MEF2A: variants seen among roughly 807,000 people sequenced by gnomAD.
MEF2A encodes myocyte-specific enhancer factor 2A.
MEF2A carries 28 observed loss-of-function variants against 55.8 expected under a neutral mutation model. The observed-to-expected ratio is 0.50, with a 90% CI of 0.37 to 0.69. MEF2A has a LOEUF of 0.69. Among genes scored for constraint, MEF2A ranks in the 30% least tolerant of loss-of-function variants. The pLI is 0.00. For missense variants in MEF2A, 528 were observed against 626.2 expected, an observed-to-expected ratio of 0.84 and a Z score of 1.67; for synonymous variants, 239 against 227.1, an observed-to-expected ratio of 1.05 and a Z score of -0.47.
intron 1 of MEF2A, among the ~76,000 whole-genome samples, chr15:99,566,904 C>T (rs115387337): frequency 6.6e-6 from 1 of 152,220 alleles, no homozygotes; most frequent in African/African-American, 2.4e-5. Context: ...GAACCCCTGC[C>T]ATCCGGCTAG....
intron 7 of MEF2A, 126 bp from the exon 8 acceptor site, chr15:99,690,115 C>T: frequency 2.3e-6 from 2 of 874,326 alleles, no homozygotes; most frequent in Admixed American, 2.4e-5. Context: ...ACAAGGGATA[C>T]TCAAACCTGT....
intron 1 of MEF2A, among the ~76,000 whole-genome samples, chr15:99,579,871 A>AAG (rs1965414042): frequency 6.6e-6 from 1 of 151,994 alleles, no homozygotes; most frequent in South Asian, 2.1e-4. Flanking sequence ...GACCTTAACT[A>AAG]TTCCCTTTTC....
At chr15:99,625,594 T>A (rs988159508) in intron 2 of MEF2A, among the ~76,000 whole-genome samples, 2 of 152,186 alleles carry the variant, frequency 1.3e-5, no homozygotes, top group Non-Finnish European at 2.9e-5. Flanking sequence ...TCATTGAATA[T>A]GAAGTTAGCT....
rs1288543334 is a variant in MEF2A, at chr15:99,566,023, A to T, written c.-306A>T. The T allele has an allele frequency of 6.6e-6, 1 of 152,338 alleles. No individual in the cohort carries two copies. The highest frequency in any genetic ancestry group is 2.4e-5 in the African/African-American group (1 of 41,392). 9.4% of individuals were successfully genotyped at this position (152,338 alleles called of 1,614,324 possible). A position where few individuals can be genotyped will look rare whatever the true frequency, so the allele number is the denominator to read the frequency against. On this transcript the variant is annotated 5_prime_UTR_variant, in exon 1 of 12. Transcript: ENST00000557942. The stretch of plus-strand genomic sequence containing the variant: ...GTCCCGGCGAGTCCCGGGCTGAAAG[A>T]GGCGGCTCCGGGCGGCGCGAAGCGC...
chr15:99,595,215 T>C (rs998655809), intron 1 of MEF2A, among the ~76,000 whole-genome samples: 6 of 152,182 alleles, frequency 3.9e-5, no homozygotes, highest in Admixed American at 3.3e-4. Context: ...CATCAGGTAA[T>C]GACATGTAAA....
intron 4 of MEF2A, among the ~76,000 whole-genome samples, chr15:99,652,949 T>G (rs1178255777): frequency 5.3e-5 from 8 of 152,250 alleles, no homozygotes; most frequent in Admixed American, 3.3e-4. Flanking sequence ...TAAGATGATA[T>G]GCTGGCTATT....
intron 4 of MEF2A, among the ~76,000 whole-genome samples, chr15:99,665,731 C>CAAA (rs752473261): frequency 1.2e-3 from 25 of 20,142 alleles, no homozygotes; most frequent in Admixed American, 2.2e-3. Context: ...CTTAAATTTA[C>CAAA]AAAAAAAAAA....
rs187669330 is a variant in MEF2A, at chr15:99,590,968, A to G, written c.-224-7462A>G. ...TCTTTTAAAAAATTTCATAGACTAT[A>G]TCTTAGAGCAGTTTTAGCTTTACAG... On this transcript the variant is annotated intron_variant, in intron 1 of 11. Coordinates refer to ENST00000557942, the MANE Select transcript of MEF2A (RefSeq NM_001319206.4). 4.6e-5 allele frequency among the ~76,000 whole-genome samples: 7 copies of G among 152,280 alleles called. No homozygotes were observed. In the South Asian group the frequency reaches 6.2e-4, roughly 14 times the overall value.
chr15:99,697,651 T>C (rs2056699482), intron 8 of MEF2A, among the ~76,000 whole-genome samples: 1 of 152,224 alleles, frequency 6.6e-6, no homozygotes, highest in Non-Finnish European at 1.5e-5. Context: ...AAGATGTCAT[T>C]TCTTCCCAGA....
In MEF2A at chr15:99,648,778, A is replaced by G. The variant is rs185470463; in HGVS notation, c.258+3014A>G. ...ATGTGTTCCTCTTCTGTTGCATCCAATACACAAGCCCTTTGAGGATGTGCT... is the reference window on the plus strand; with the variant it reads ...ATGTGTTCCTCTTCTGTTGCATCCAGTACACAAGCCCTTTGAGGATGTGCT... On this transcript the variant is annotated intron_variant, in intron 4 of 11. Coordinates refer to ENST00000557942, the MANE Select transcript of MEF2A (RefSeq NM_001319206.4). Among the ~76,000 whole-genome samples, 8 of 152,250 alleles carry G rather than the reference A, an allele frequency of 5.3e-5. No individual in the cohort carries two copies. The East Asian group carries it at 1.2e-3, about 22-fold the overall frequency.
At chr15:99,687,962 A>G (rs562498355) in intron 7 of MEF2A, among the ~76,000 whole-genome samples, 1 of 152,310 alleles carries the variant, frequency 6.6e-6, no homozygotes, top group East Asian at 1.9e-4. Context: ...GCTAGTCTTA[A>G]TGACATGTGA....
intron 10 of MEF2A, among the ~76,000 whole-genome samples, chr15:99,709,255 T>C (rs1459430359): frequency 6.6e-6 from 1 of 151,490 alleles, no homozygotes; most frequent in Non-Finnish European, 1.5e-5. Flanking sequence ...GGAAGGGAAG[T>C]AGCAAGGATA....
chr15:99,666,627 A>G (rs545236453), intron 4 of MEF2A, among the ~76,000 whole-genome samples: 23 of 148,960 alleles, frequency 1.5e-4, no homozygotes, highest in Middle Eastern at 7.0e-3. Context: ...ATCAGCAAAG[A>G]AAAAAAAGGA....
At chr15:99,567,871 C>T (rs907114706) in intron 1 of MEF2A, among the ~76,000 whole-genome samples, 3 of 152,042 alleles carry the variant, frequency 2.0e-5, no homozygotes, top group African/African-American at 7.3e-5. Flanking sequence ...TATTTTAATT[C>T]TCAGTGAGCA....
rs146011488 is a variant in MEF2A, at chr15:99,596,307, A to G, written c.-224-2123A>G. On this transcript the variant is annotated intron_variant, in intron 1 of 11. Coordinates refer to ENST00000557942, the MANE Select transcript of MEF2A (RefSeq NM_001319206.4). The stretch of plus-strand genomic sequence containing the variant: ...TTGTATTTTAGAAGTTGGTAATGCA[A>G]CTAAATTTGAGGAATTTTTTTCTGC... 7.9e-5 allele frequency among the ~76,000 whole-genome samples: 12 copies of G among 152,282 alleles called. No individual in the cohort carries two copies. The East Asian group carries it at 2.3e-3, about 29-fold the overall frequency.
chr15:99,706,497 C>T (rs2058054902), intron 9 of MEF2A: 4 of 470,812 alleles, frequency 8.5e-6, no homozygotes, highest in South Asian at 2.3e-5. Context: ...CCTATTTTAA[C>T]GTGGGGTGTC....
chr15:99,677,958 A>G (rs1300371308), intron 7 of MEF2A, among the ~76,000 whole-genome samples: 1 of 152,188 alleles, frequency 6.6e-6, no homozygotes. Flanking sequence ...CTTTTGTGGT[A>G]TTGTAAATCA....
chr15:99,689,285 G>A (rs1382333076), intron 7 of MEF2A, among the ~76,000 whole-genome samples: 5 of 152,130 alleles, frequency 3.3e-5, no homozygotes, highest in Non-Finnish European at 7.4e-5. Flanking sequence ...TGGTGAAAAC[G>A]GGGCATTAGA....
chr15:99,632,389 G>C (rs1329648240), intron 2 of MEF2A, among the ~76,000 whole-genome samples: 1 of 152,146 alleles, frequency 6.6e-6, no homozygotes, highest in African/African-American at 2.4e-5. Flanking sequence ...CTGGAGGCTA[G>C]GGCAATTTGC....
Sources: allele counts gnomAD v4.1 joint callset (sites outside exome capture counted in the v4.1 genomes callset), GRCh38; gene constraint gnomAD v4.1.1; transcripts MANE v1.5; gene names NCBI Gene and HGNC (gene_info 2026-07-23, HGNC 2026-07-21).